Variants in PRKACA observed in about 807,000 individuals in gnomAD.
The protein encoded by PRKACA is cAMP-dependent protein kinase catalytic subunit alpha.
PRKACA carries 9 observed loss-of-function variants against 45.8 expected under a neutral mutation model. The observed-to-expected ratio is 0.20, with a 90% confidence interval of 0.12 to 0.34. PRKACA has a LOEUF of 0.34. Ranked by LOEUF, PRKACA falls within the 10% of genes least tolerant of loss-of-function variation. PRKACA has a pLI of 1.00. For missense variants in PRKACA, 238 were observed against 458.6 expected (o/e 0.52, Z 4.39); for synonymous variants, 160 against 178.6 (o/e 0.90, Z 0.83).
rs1967048042 is a variant in PRKACA at position 14,114,080 on chromosome 19, T to G, written c.46+3422A>C. 11 of 1,573,198 alleles carry G rather than the reference T, an allele frequency of 7.0e-6. No homozygotes were observed. In the East Asian group the frequency reaches 2.5e-4, roughly 36 times the overall value. ...GACCCCGCTGCAGCCCCTCCCTGAC[T>G]TAAGGGGCAGAGTGTGCCTAGGAAG... is the stretch of plus-strand genomic sequence containing the variant. On this transcript the variant is annotated intron_variant, in intron 1 of 9. Coordinates refer to ENST00000308677, the MANE Select transcript of PRKACA (RefSeq NM_002730.4).
rs945461544 is a variant in PRKACA at position 14,094,950 on chromosome 19, G to A, written c.766-1158C>T. Among the ~76,000 whole-genome samples, 11 of 152,292 alleles carry A rather than the reference G, an allele frequency of 7.2e-5. No individual in the cohort carries two copies. In the East Asian group the frequency reaches 1.4e-3, roughly 19 times the overall value. ...CTTGTTCCTGCTGTGCCTCTTACAC[G>A]CTGTGTGACCTTGGCCATGGCCCTT... On this transcript the variant is annotated intron_variant, in intron 8 of 9. Transcript: ENST00000308677.
In PRKACA at chr19:14,106,929, C is replaced by T. The variant is rs199866713; in HGVS notation, c.109-41G>A. ...TCGGTAGGCTCAGGGCACGCCCTCC[C>T]CGCGGCCTGCTTGGCTAAGGTCTGG... On this transcript the variant is annotated intron_variant, in intron 2 of 9. Transcript: ENST00000308677. The T allele has an allele frequency of 1.1e-4, 182 of 1,610,218 alleles. No homozygotes were observed. In the African/African-American group the frequency reaches 2.0e-3, roughly 18 times the overall value.
At position 14,092,320 on chromosome 19, in the gene PRKACA, T is replaced by C; in HGVS notation, c.*792A>G. On this transcript the variant is annotated 3_prime_UTR_variant, in exon 10 of 10. Transcript: ENST00000308677. ...CAAAGCCCAAGGGTGAAGACAGGTCTGTTGGGGAAAAAGAGAGCGGAGGCT... is the reference window on the plus strand; with the variant it reads ...CAAAGCCCAAGGGTGAAGACAGGTCCGTTGGGGAAAAAGAGAGCGGAGGCT... 1 of 263,860 alleles carries C rather than the reference T, an allele frequency of 3.8e-6. No homozygotes were observed. The allele number at this position is 263,860 out of a possible 1,614,324, so 16.3% of individuals were successfully genotyped here.
intron 1 of PRKACA, among the ~76,000 whole-genome samples, chr19:14,115,456 C>T (rs1381941484): frequency 6.6e-6 from 1 of 152,156 alleles, no homozygotes; most frequent in East Asian, 1.9e-4. Context: ...AATCCTGCCT[C>T]TGTGACATCA....
chr19:14,107,773 C>T, intron 1 of PRKACA: 1 of 1,023,422 alleles, frequency 9.8e-7, no homozygotes, highest in South Asian at 4.0e-5. Flanking sequence ...TTTGGCTGTT[C>T]CTCTGGCCCC....
chr19:14,097,860 C>T lies in PRKACA; in HGVS notation c.450G>A (p.Gln150=), dbSNP rs753469180. The change falls in exon 6 of 10, where the codon CAG becomes CAA. Residue 150 remains glutamine, a synonymous_variant. Coordinates refer to ENST00000308677, the MANE Select transcript of PRKACA (RefSeq NM_002730.4). The surrounding 1 kb of genome is among the most constrained non-coding windows in gnomAD (Gnocchi z 5.4). ...GCAGATACTCAAAGGTCAGGACGAT[C>T]TGGGCCGCGTAGAAACGGGCATGGG... ...SEPHARFYAA[Q]IVLTFEYLHS... is the part of the protein sequence containing the mutation. 6.8e-6 allele frequency: 11 copies of T among 1,614,136 alleles called. No individual in the cohort carries two copies. The South Asian group carries it at 8.8e-5, about 13-fold the overall frequency.
chr19:14,110,332 C>A (rs1246629998), intron 1 of PRKACA, among the ~76,000 whole-genome samples: 1 of 151,674 alleles, frequency 6.6e-6, no homozygotes, highest in East Asian at 1.9e-4. Context: ...AATAATAATA[C>A]TCTGGGAGGC....
At chr19:14,094,825 A>G (rs1256708908) in intron 8 of PRKACA, among the ~76,000 whole-genome samples, 1 of 152,224 alleles carries the variant, frequency 6.6e-6, no homozygotes, top group African/African-American at 2.4e-5. Context: ...TCCGTTCTTT[A>G]AAGCCCAGCT....
chr19:14,111,049 G>A lies in PRKACA; in HGVS notation c.47-3640C>T, dbSNP rs536423872. On this transcript the variant is annotated intron_variant, in intron 1 of 9. Coordinates refer to ENST00000308677, the MANE Select transcript of PRKACA (RefSeq NM_002730.4). ...TTGTGGGGAGCCACCCCCACTACCTGTCTCCAGAGCTTTCCCTCAGCATTC... is the reference window on the plus strand; with the variant it reads ...TTGTGGGGAGCCACCCCCACTACCTATCTCCAGAGCTTTCCCTCAGCATTC... Among the ~76,000 whole-genome samples the A allele has an allele frequency of 2.0e-5, 3 of 152,320 alleles. No homozygotes were observed. The South Asian group carries it at 6.2e-4, about 32-fold the overall frequency.
At chr19:14,103,747 T>G (rs1433486909) in intron 3 of PRKACA, among the ~76,000 whole-genome samples, 1 of 152,190 alleles carries the variant, frequency 6.6e-6, no homozygotes, top group Non-Finnish European at 1.5e-5. Flanking sequence ...ATTCAAAAAT[T>G]TTAAGTATCT....
chr19:14,096,032 GTTT>G (rs60082323), intron 8 of PRKACA, among the ~76,000 whole-genome samples: 2 of 92,574 alleles, frequency 2.2e-5, no homozygotes, highest in African/African-American at 4.5e-5. Flanking sequence ...CTAATTTTTA[GTTT>G]TTTTTTTTTT....
intron 3 of PRKACA, among the ~76,000 whole-genome samples, chr19:14,104,944 GT>G (rs1298113969): frequency 6.6e-6 from 1 of 152,122 alleles, no homozygotes; most frequent in African/African-American, 2.4e-5. Flanking sequence ...TTCAGGCATG[GT>G]TGGAACAACT....
rs1599346167 is a variant in PRKACA at position 14,107,531 on chromosome 19, T to C, written c.47-122A>G. 10 of 1,345,902 alleles carry C rather than the reference T, an allele frequency of 7.4e-6. No individual in the cohort carries two copies. In the East Asian group the frequency reaches 2.1e-4, roughly 28 times the overall value. 83.4% of individuals were successfully genotyped at this position (1,345,902 alleles called of 1,614,324 possible). A position where few individuals can be genotyped will look rare whatever the true frequency, so the allele number is the denominator to read the frequency against. ...CAGTTCCAACCCAGAGCCTGACCTT[T>C]TTCTGGTGCCTCTGGGGCCTTGGCT... On this transcript the variant is annotated intron_variant, in intron 1 of 9. Transcript: ENST00000308677.
chr19:14,109,997 T>TACACACACACACAC (rs1381189319), intron 1 of PRKACA, among the ~76,000 whole-genome samples: 3 of 71,764 alleles, frequency 4.2e-5, no homozygotes, highest in African/African-American at 2.3e-4. Context: ...TATATATATA[T>TACACACACACACAC]ATACACACAC....
At chr19:14,094,185 GAA>G (rs940405502) in intron 8 of PRKACA, among the ~76,000 whole-genome samples, 1,029 of 58,930 alleles carry the variant, frequency 0.017, 8 homozygotes, top group African/African-American at 0.041. Flanking sequence ...TTCTTTTTTT[GAA>G]AAAAAAAAAA....
At chr19:14,114,899 C>T (rs1967076729) in intron 1 of PRKACA, among the ~76,000 whole-genome samples, 1 of 152,168 alleles carries the variant, frequency 6.6e-6, no homozygotes, top group Non-Finnish European at 1.5e-5. Flanking sequence ...TTAACTGGTG[C>T]CTCCCAAGGC....
intron 4 of PRKACA, 134 bp downstream of exon 4, chr19:14,102,682 C>T: frequency 2.6e-6 from 2 of 761,318 alleles, no homozygotes; most frequent in South Asian, 1.6e-5. Context: ...CCCCTGATCT[C>T]CCTCCTCCAG....
chr19:14,094,274 C>T (rs892552923), intron 8 of PRKACA, among the ~76,000 whole-genome samples: 3 of 151,960 alleles, frequency 2.0e-5, no homozygotes, highest in African/African-American at 7.3e-5. Context: ...CTGCAACCTC[C>T]GCCTCCTGGG....
In PRKACA at chr19:14,093,118, C is replaced by G. The variant is rs746884607; in HGVS notation, c.1050G>C (p.Glu350Asp). ...TGGGGGCACAGGCATGCCCCTAAAACTCAGAAAACTCCTTGCCACACTTCT... is the reference window on the plus strand; with the variant it reads ...TGGGGGCACAGGCATGCCCCTAAAAGTCAGAAAACTCCTTGCCACACTTCT... Reference protein sequence around the residue: ...INEKCGKEFSEF With the variant: ...INEKCGKEFSDF The change falls in exon 10 of 10, where the codon GAG (glutamate) becomes GAC (aspartate). Residue 350 changes from glutamate to aspartate, a missense_variant. This residue lies in a region of PRKACA where 51 missense variants were observed against 68.6 expected (regional missense o/e 0.74). Transcript: ENST00000308677. 2.0e-6 allele frequency: 3 copies of G among 1,466,158 alleles called. No homozygotes were observed. Among genetic ancestry groups the G allele is most frequent in the East Asian group, 6.1e-5 (2 of 32,554 alleles). The allele number at this position is 1,466,158 out of a possible 1,614,324, so 90.8% of individuals were successfully genotyped here.
Sources: allele counts gnomAD v4.1 joint callset (sites outside exome capture counted in the v4.1 genomes callset), GRCh38; gene constraint gnomAD v4.1.1; regional missense constraint gnomAD v4.1.1; non-coding constraint Gnocchi (gnomAD v3.1); transcripts MANE v1.5; gene names NCBI Gene and HGNC (gene_info 2026-07-23, HGNC 2026-07-21).